Variants in SORBS2 observed in about 807,000 individuals in gnomAD.
SORBS2 encodes the protein sorbin and SH3 domain containing 2.
Under a neutral mutation model 97.7 loss-of-function variants are expected in SORBS2, and 46 were observed. The observed-to-expected ratio is 0.47, with a 90% CI of 0.37 to 0.60. The LOEUF is 0.60. Ranked by LOEUF, SORBS2 falls within the 20% of genes least tolerant of loss-of-function variation. The pLI is 0.00. For missense variants in SORBS2, 1,316 were observed against 1,282.3 expected (o/e 1.03, Z -0.40); for synonymous variants, 476 against 473.4 (o/e 1.01, Z -0.07).
chr4:185,657,116 C>T (rs2097419764), upstream of SORBS2: 1 of 309,946 alleles, frequency 3.2e-6, no homozygotes, highest in African/African-American at 2.2e-5. Flanking sequence ...TGCCCTAAGC[C>T]TCCTTGGTAA....
At chr4:185,676,699 T>C (rs1295214123) in intron 4 of SORBS2, among the ~76,000 whole-genome samples, 1 of 152,106 alleles carries the variant, frequency 6.6e-6, no homozygotes, top group Non-Finnish European at 1.5e-5. Context: ...TAGTCTGCAA[T>C]GTCTTAAATG....
chr4:185,726,715 T>A (rs2098556735), intron 2 of SORBS2, among the ~76,000 whole-genome samples: 1 of 151,920 alleles, frequency 6.6e-6, no homozygotes, highest in Admixed American at 6.6e-5. Flanking sequence ...TGTTCTTTTC[T>A]TACACGGTTT....
At chr4:185,663,149 T>C (rs1299459871) in intron 4 of SORBS2, among the ~76,000 whole-genome samples, 1 of 152,152 alleles carries the variant, frequency 6.6e-6, no homozygotes, top group Non-Finnish European at 1.5e-5. Context: ...GCGCACACAA[T>C]GCATGCAAAT....
At chr4:185,785,221 A>T (rs2099050557) in intron 1 of SORBS2, among the ~76,000 whole-genome samples, 1 of 7,724 alleles carries the variant, frequency 1.3e-4, no homozygotes, top group Non-Finnish European at 7.6e-4. Context: ...TGAGCGTTTA[A>T]AAAAAAAAAC....
At chr4:185,778,167 A>G (rs892702938) in intron 1 of SORBS2, among the ~76,000 whole-genome samples, 1 of 152,210 alleles carries the variant, frequency 6.6e-6, no homozygotes, top group African/African-American at 2.4e-5. Context: ...AAAATTACCT[A>G]TGTGACTTGC....
chr4:185,722,163 C>T (rs749842356), intron 2 of SORBS2, among the ~76,000 whole-genome samples: 1 of 152,130 alleles, frequency 6.6e-6, no homozygotes, highest in Admixed American at 6.5e-5. Flanking sequence ...TGGGTCCAGA[C>T]AGGATGATGA....
intron 2 of SORBS2, among the ~76,000 whole-genome samples, chr4:185,763,078 A>C (rs982108495): frequency 3.9e-5 from 6 of 152,186 alleles, no homozygotes; most frequent in African/African-American, 1.4e-4. Flanking sequence ...AATCCCAGCT[A>C]TTCAGGAGGC....
rs1397760285 is a variant in SORBS2, at chr4:185,768,708, A to C, written c.-198+6519T>G. 9.5e-3 allele frequency among the ~76,000 whole-genome samples: 977 copies of C among 102,634 alleles called. 8 individuals carry two copies. Among genetic ancestry groups the C allele is most frequent in the African/African-American group, 0.021 (496 of 23,892 alleles). 67.3% of individuals were successfully genotyped at this position (102,634 alleles called of 152,430 possible). A position where few individuals can be genotyped will look rare whatever the true frequency, so the allele number is the denominator to read the frequency against. On this transcript the variant is annotated intron_variant, in intron 2 of 20. Coordinates refer to the SORBS2 transcript ENST00000284776. The stretch of plus-strand genomic sequence containing the variant: ...AGTGAGACTCTGTCTCAAAAAAAAA[A>C]AAACAAAAAAACAAAAAAAAATGCA...
At chr4:185,683,145 T>G (rs1478361338) in intron 2 of SORBS2, among the ~76,000 whole-genome samples, 1 of 152,228 alleles carries the variant, frequency 6.6e-6, no homozygotes, top group South Asian at 2.1e-4. Flanking sequence ...AGAAATCATA[T>G]GCCTAGTGAT....
chr4:185,611,272 G>A (rs962556527), intron 12 of SORBS2, among the ~76,000 whole-genome samples: 25 of 151,722 alleles, frequency 1.6e-4, no homozygotes, highest in African/African-American at 4.6e-4. Flanking sequence ...CTAATAACCC[G>A]GTGTTCTTGT....
At chr4:185,930,350 A>G (rs2149962267) in intron 1 of SORBS2, among the ~76,000 whole-genome samples, 1 of 152,148 alleles carries the variant, frequency 6.6e-6, no homozygotes, top group South Asian at 2.1e-4. Flanking sequence ...GCTGGAGTGC[A>G]GTGGTGCGAT....
rs1045436842 is a variant in SORBS2 at position 185,764,823 on chromosome 4, C to T, written c.-198+10404G>A. On this transcript the variant is annotated intron_variant, in intron 2 of 20. Transcript: ENST00000284776. The stretch of plus-strand genomic sequence containing the variant: ...ATCATTTATCTTAAAATAGAAGATA[C>T]TAATTCAATTAAAGCCTGCTGCACA... Among the ~76,000 whole-genome samples the T allele has an allele frequency of 7.2e-5, 11 of 152,222 alleles. No individual in the cohort carries two copies. In the South Asian group the frequency reaches 8.3e-4, roughly 11 times the overall value.
At chr4:185,677,542 G>T (rs2097806774) in intron 4 of SORBS2, 1 of 1,549,478 alleles carries the variant, frequency 6.5e-7, no homozygotes, top group African/African-American at 1.4e-5. Flanking sequence ...GAGGGAATTT[G>T]TGTGTTAGTT....
At chr4:185,771,747 T>A (rs2098972842) in intron 2 of SORBS2, 1 of 152,236 alleles carries the variant, frequency 6.6e-6, no homozygotes. Context: ...AAAGATAGCC[T>A]AAATCTTTAG....
At chr4:185,825,182 T>A (rs2099199081) in intron 1 of SORBS2, among the ~76,000 whole-genome samples, 1 of 148,154 alleles carries the variant, frequency 6.7e-6, no homozygotes, top group Non-Finnish European at 1.5e-5. Context: ...ATGGGGAATA[T>A]CTTTATTTGT....
intron 1 of SORBS2, among the ~76,000 whole-genome samples, chr4:185,922,743 G>A (rs1016292858): frequency 3.3e-5 from 5 of 152,008 alleles, no homozygotes; most frequent in South Asian, 4.1e-4. Context: ...GTTATAGTTC[G>A]CAGAGTGCTT....
chr4:185,801,201 C>T (rs1368220760), intron 1 of SORBS2, among the ~76,000 whole-genome samples: 5 of 152,210 alleles, frequency 3.3e-5, no homozygotes, highest in Admixed American at 2.6e-4. Context: ...TTGCAAATGG[C>T]AGGATTTTCT....
At chr4:185,773,558 C>G (rs1390644681) in intron 2 of SORBS2, 1 of 115,998 alleles carries the variant, frequency 8.6e-6, no homozygotes, top group Non-Finnish European at 1.8e-5. Flanking sequence ...GTTTGTCCTT[C>G]TTAGCAAGGT....
At chr4:185,656,552 A>T in intron 1 of SORBS2, 1 of 1,249,842 alleles carries the variant, frequency 8.0e-7, no homozygotes, top group Non-Finnish European at 1.1e-6. Context: ...CCCCAGCTTT[A>T]CATGGGTCTT....
Sources: gnomAD v4.1 joint callset for allele counts (sites outside exome capture counted in the v4.1 genomes callset) on GRCh38, gnomAD v4.1.1 for gene constraint, MANE v1.5 for transcripts, NCBI Gene and HGNC (gene_info 2026-07-23, HGNC 2026-07-21) for gene names.